The following PPHLN1 variants were observed in gnomAD, a reference collection of about 807,000 sequenced individuals.
PPHLN1 encodes periphilin 1, also known as periphilin-1.
In PPHLN1, 29 loss-of-function variants were observed where a neutral mutation model predicts 51.3. The observed-to-expected ratio is 0.57, with a 90% CI of 0.42 to 0.77. PPHLN1 has a LOEUF of 0.77. Ranked by LOEUF, PPHLN1 falls within the 30% of genes least tolerant of loss-of-function variation. The pLI, the probability that PPHLN1 is intolerant of heterozygous loss-of-function variation, is 0.00. For synonymous variants in PPHLN1, 147 were observed against 147.8 expected (o/e 0.99, Z 0.04); for missense variants, 436 against 438.4 (o/e 0.99, Z 0.05).
intron 1 of PPHLN1, among the ~76,000 whole-genome samples, chr12:42,333,065 T>C (rs2070028926): frequency 6.6e-6 from 1 of 152,212 alleles, no homozygotes. Flanking sequence ...ATTCTCTTGT[T>C]ACTCCCAGGA....
chr12:42,429,246 A>G lies in PPHLN1; in HGVS notation c.910-12069A>G, dbSNP rs139254286. Among the ~76,000 whole-genome samples, 14 of 152,342 alleles carry G rather than the reference A, an allele frequency of 9.2e-5. No homozygotes were observed. The East Asian group carries it at 2.3e-3, about 25-fold the overall frequency. ...TACTTTTCTCAAAATTCACTGAGCA[A>G]TGAATACATTGGTTTTTTTCCTAAT... On this transcript the variant is annotated intron_variant, in intron 9 of 9. Transcript: ENST00000358314.
intron 3 of PPHLN1, among the ~76,000 whole-genome samples, chr12:42,352,538 T>C (rs2073501302): frequency 2.0e-5 from 3 of 151,580 alleles, no homozygotes; most frequent in African/African-American, 7.3e-5. Context: ...CCCTCCCAAG[T>C]AGCTGGGATT....
At chr12:42,443,461 A>G (rs1440355628), downstream of PPHLN1, 3 of 152,258 alleles carry the variant, frequency 2.0e-5, no homozygotes, top group Admixed American at 1.3e-4. Flanking sequence ...ATATAACCCT[A>G]TAGGACTGGT....
At chr12:42,404,030 CTCTTTTTTTTTTT>C (rs2079066406) in intron 9 of PPHLN1, among the ~76,000 whole-genome samples, 1 of 150,776 alleles carries the variant, frequency 6.6e-6, no homozygotes, top group East Asian at 1.9e-4. Context: ...AGACCTTTTC[CTCTTTTTTTTTTT>C]TCTTTTTTTT....
chr12:42,346,571 G>T (rs1424381058), intron 2 of PPHLN1, among the ~76,000 whole-genome samples: 1 of 152,150 alleles, frequency 6.6e-6, no homozygotes, highest in Non-Finnish European at 1.5e-5. Flanking sequence ...ATCTTGAACA[G>T]GTGGTGATTT....
chr12:42,386,250 C>T (rs2077182766), intron 6 of PPHLN1, among the ~76,000 whole-genome samples: 1 of 152,252 alleles, frequency 6.6e-6, no homozygotes, highest in African/African-American at 2.4e-5. Context: ...CAGTAGCCCT[C>T]TCCCACTTGT....
chr12:42,395,143 C>T (rs910678345), intron 8 of PPHLN1, among the ~76,000 whole-genome samples: 5 of 151,884 alleles, frequency 3.3e-5, no homozygotes, highest in South Asian at 2.1e-4. Flanking sequence ...TGAGTGACTT[C>T]GGATCTAGAA....
At chr12:42,442,649 G>C, downstream of PPHLN1, 1 of 1,614,096 alleles carries the variant, frequency 6.2e-7, no homozygotes, top group South Asian at 1.1e-5. Flanking sequence ...AGAGTCTGCA[G>C]GACAGACTTG....
chr12:42,344,764 A>C (rs1703085100), intron 2 of PPHLN1, among the ~76,000 whole-genome samples: 2 of 143,684 alleles, frequency 1.4e-5, no homozygotes. Context: ...GCTGGAGTGC[A>C]GTGGCATAAT....
At chr12:42,375,491 T>C (rs1468380305) in intron 5 of PPHLN1, among the ~76,000 whole-genome samples, 4 of 151,830 alleles carry the variant, frequency 2.6e-5, no homozygotes, top group African/African-American at 4.8e-5. Context: ...TTTGTGTTTT[T>C]AGTAGAGACG....
intron 9 of PPHLN1, among the ~76,000 whole-genome samples, chr12:42,412,006 A>G (rs1257249560): frequency 6.6e-6 from 1 of 151,446 alleles, no homozygotes; most frequent in African/African-American, 2.4e-5. Flanking sequence ...GGAGTTCGAG[A>G]CTACCCTGGC....
intron 9 of PPHLN1, among the ~76,000 whole-genome samples, chr12:42,404,115 T>C (rs1249167433): frequency 2.6e-5 from 4 of 152,158 alleles, no homozygotes. Context: ...CAACCTATTA[T>C]ATGTGAAAGC....
intron 9 of PPHLN1, chr12:42,399,506 G>A (rs954422209): frequency 1.3e-6 from 1 of 794,010 alleles, no homozygotes; most frequent in African/African-American, 1.9e-5. Flanking sequence ...ATTTTATGAG[G>A]ATTAAATGAA....
intron 5 of PPHLN1, among the ~76,000 whole-genome samples, chr12:42,376,280 G>C (rs1368055125): frequency 2.0e-5 from 3 of 152,132 alleles, no homozygotes; most frequent in African/African-American, 7.2e-5. Context: ...TAATTTAACA[G>C]CCTTTGCCTC....
At chr12:42,374,632 T>C (rs986787188) in intron 4 of PPHLN1, 3 of 283,022 alleles carry the variant, frequency 1.1e-5, no homozygotes, top group African/African-American at 6.9e-5. Flanking sequence ...TTTTTTGTAT[T>C]TTTAGTAGAG....
chr12:42,442,708 C>A (rs770457731), downstream of PPHLN1: 8 of 1,614,034 alleles, frequency 5.0e-6, no homozygotes, highest in African/African-American at 1.3e-5. Context: ...ACGACGGAAC[C>A]CCCGAAAACG....
intron 2 of PPHLN1, among the ~76,000 whole-genome samples, chr12:42,338,834 T>A (rs1029960404): frequency 3.3e-5 from 5 of 152,196 alleles, no homozygotes; most frequent in African/African-American, 1.2e-4. Context: ...TGGACCTCAG[T>A]ATTGTTTAAA....
chr12:42,363,440 C>T (rs1252103063), intron 4 of PPHLN1, among the ~76,000 whole-genome samples: 1 of 141,488 alleles, frequency 7.1e-6, no homozygotes, highest in Admixed American at 7.3e-5. Context: ...ACTTTATACT[C>T]TAGCTATTTT....
intron 1 of PPHLN1, chr12:42,331,785 A>G (rs1400574834): frequency 1.3e-5 from 2 of 152,240 alleles, no homozygotes; most frequent in Admixed American, 1.3e-4. Context: ...GTTGGCTTAG[A>G]TAACTTTTCT....
Sources: allele counts gnomAD v4.1 joint callset (sites outside exome capture counted in the v4.1 genomes callset), GRCh38; gene constraint gnomAD v4.1.1; transcripts MANE v1.5; gene names NCBI Gene and HGNC (gene_info 2026-07-23, HGNC 2026-07-21).